The following KCNIP1 variants were observed in gnomAD, a reference collection of about 807,000 sequenced individuals.
KCNIP1 encodes A-type potassium channel modulatory protein KCNIP1.
KCNIP1 carries 18 observed loss-of-function variants against 33.0 expected under a neutral mutation model. That is an observed-to-expected ratio of 0.55 (90% CI 0.38 to 0.81). The LOEUF is 0.81. Ranked by LOEUF, KCNIP1 falls within the 30% of genes least tolerant of loss-of-function variation. KCNIP1 has a pLI of 0.00. For synonymous variants in KCNIP1, 93 were observed against 98.3 expected (o/e 0.95, Z 0.32); for missense variants, 238 against 271.6 (o/e 0.88, Z 0.87).
At chr5:170,707,135 C>T (rs986974546) in intron 1 of KCNIP1, among the ~76,000 whole-genome samples, 1 of 145,634 alleles carries the variant, frequency 6.9e-6, no homozygotes, top group African/African-American at 2.6e-5. Context: ...GCAGAGACTG[C>T]TGGAACTACC....
chr5:170,388,274 C>CTTAGGAGTAAGGT (rs1764567048), intron 1 of KCNIP1, among the ~76,000 whole-genome samples: 1 of 152,182 alleles, frequency 6.6e-6, no homozygotes, highest in Non-Finnish European at 1.5e-5. Flanking sequence ...CATGATAAAT[C>CTTAGGAGTAAGGT]CTCCTAAGAC....
At chr5:170,457,826 T>C (rs1162476552) in intron 1 of KCNIP1, among the ~76,000 whole-genome samples, 1 of 152,084 alleles carries the variant, frequency 6.6e-6, no homozygotes, top group Non-Finnish European at 1.5e-5. Context: ...TCACCAGCAA[T>C]GGATGCAAAC....
At chr5:170,452,471 T>C (rs1015780038) in intron 1 of KCNIP1, among the ~76,000 whole-genome samples, 1 of 152,130 alleles carries the variant, frequency 6.6e-6, no homozygotes, top group Non-Finnish European at 1.5e-5. Context: ...GCCTCATAAA[T>C]GTCAACAAAA....
chr5:170,439,151 G>A (rs533652808), intron 1 of KCNIP1, among the ~76,000 whole-genome samples: 1 of 152,254 alleles, frequency 6.6e-6, no homozygotes, highest in African/African-American at 2.4e-5. Context: ...CTGAACAGCT[G>A]GGAATAAGGG....
intron 1 of KCNIP1, among the ~76,000 whole-genome samples, chr5:170,702,410 C>T (rs1763127789): frequency 6.6e-6 from 1 of 152,166 alleles, no homozygotes; most frequent in Non-Finnish European, 1.5e-5. Context: ...CGCTCTGTGA[C>T]TTATACAACT....
chr5:170,466,589 GA>G, intron 1 of KCNIP1, among the ~76,000 whole-genome samples: 1 of 152,186 alleles, frequency 6.6e-6, no homozygotes, highest in Non-Finnish European at 1.5e-5. Context: ...ACCATAGCCT[GA>G]GTGGCTTATA....
intron 1 of KCNIP1, among the ~76,000 whole-genome samples, chr5:170,575,320 C>G (rs1435330009): frequency 6.6e-6 from 1 of 152,152 alleles, no homozygotes; most frequent in Non-Finnish European, 1.5e-5. Flanking sequence ...TCAACACTTA[C>G]TGAAAATGTC....
At chr5:170,558,227 T>C (rs1756907409) in intron 1 of KCNIP1, among the ~76,000 whole-genome samples, 1 of 152,184 alleles carries the variant, frequency 6.6e-6, no homozygotes, top group African/African-American at 2.4e-5. Context: ...AAACTGCTTT[T>C]GCCATCTAAG....
Position 170,355,468 on chromosome 5 carries a change from C to T in KCNIP1, c.88+1504C>T, listed in dbSNP as rs76951398. Reference sequence around the variant, plus strand: ...GTGGGGCAGCAACCCATTGCAGCCTCTCATGGAGGGCTTGTCCCCACCTGC... The same window carrying T: ...GTGGGGCAGCAACCCATTGCAGCCTTTCATGGAGGGCTTGTCCCCACCTGC... On this transcript the variant is annotated intron_variant, in intron 1 of 7. Transcript: ENST00000377360. Among the ~76,000 whole-genome samples, 1,198 of 152,296 alleles carry T rather than the reference C, an allele frequency of 7.9e-3. 19 individuals carry two copies. Among genetic ancestry groups the T allele is most frequent in the African/African-American group, 0.027 (1,128 of 41,542 alleles).
At chr5:170,535,159 A>C (rs1215703749) in intron 1 of KCNIP1, among the ~76,000 whole-genome samples, 4 of 152,028 alleles carry the variant, frequency 2.6e-5, no homozygotes, top group Non-Finnish European at 5.9e-5. Flanking sequence ...CTCTATCTCC[A>C]AGTGTGCCTC....
intron 1 of KCNIP1, among the ~76,000 whole-genome samples, chr5:170,667,748 G>T (rs977503951): frequency 1.3e-5 from 2 of 152,248 alleles, no homozygotes; most frequent in Admixed American, 6.5e-5. Context: ...CCATAAGGTT[G>T]CTGGGGATGC....
chr5:170,402,646 C>T (rs1416309809), intron 1 of KCNIP1, among the ~76,000 whole-genome samples: 3 of 152,174 alleles, frequency 2.0e-5, no homozygotes, highest in Non-Finnish European at 4.4e-5. Flanking sequence ...ACATACGTTA[C>T]TGATCCTTAC....
intron 1 of KCNIP1, among the ~76,000 whole-genome samples, chr5:170,692,348 G>T (rs184610336): frequency 6.6e-6 from 1 of 152,136 alleles, no homozygotes; most frequent in Non-Finnish European, 1.5e-5. Flanking sequence ...CAGGCAAAGC[G>T]GGGAGTTTTG....
chr5:170,390,794 G>C (rs58182502), intron 1 of KCNIP1, among the ~76,000 whole-genome samples: 1 of 151,746 alleles, frequency 6.6e-6, no homozygotes, highest in Non-Finnish European at 1.5e-5. Context: ...AAATCACCTC[G>C]ATCATACAGT....
chr5:170,519,544 A>G (rs1755276008), intron 1 of KCNIP1, among the ~76,000 whole-genome samples: 1 of 152,118 alleles, frequency 6.6e-6, no homozygotes, highest in African/African-American at 2.4e-5. Context: ...TATTGACCAC[A>G]TTGGCTCTTT....
Position 170,454,185 on chromosome 5 carries a change from G to A in KCNIP1, c.88+100221G>A, listed in dbSNP as rs140978380. 3.5e-4 allele frequency among the ~76,000 whole-genome samples: 53 copies of A among 152,306 alleles called. No individual in the cohort carries two copies. The East Asian group carries it at 7.7e-3, about 22-fold the overall frequency. Reference sequence around the variant, plus strand: ...TCATGCTTTGCAAAAAGAGGAAAACGTCCTGCAGTTTTAGAAGGTCTTTTC... The same window carrying A: ...TCATGCTTTGCAAAAAGAGGAAAACATCCTGCAGTTTTAGAAGGTCTTTTC... On this transcript the variant is annotated intron_variant, in intron 1 of 7. Transcript: ENST00000377360.
intron 1 of KCNIP1, among the ~76,000 whole-genome samples, chr5:170,380,419 A>G: frequency 6.6e-6 from 1 of 152,218 alleles, no homozygotes; most frequent in South Asian, 2.1e-4. Context: ...ACTGAGACCC[A>G]AATGGCAGGT....
intron 1 of KCNIP1, among the ~76,000 whole-genome samples, chr5:170,480,582 T>G (rs191132552): frequency 2.0e-5 from 3 of 151,596 alleles, no homozygotes; most frequent in Non-Finnish European, 4.4e-5. Context: ...GTTCAAGAGA[T>G]TCTCATGCCA....
intron 1 of KCNIP1, among the ~76,000 whole-genome samples, chr5:170,448,643 C>T (rs1038754303): frequency 1.3e-5 from 2 of 152,222 alleles, no homozygotes; most frequent in African/African-American, 4.8e-5. Context: ...AGATAAAAAG[C>T]CACAAGTGAA....
Sources: allele counts gnomAD v4.1 joint callset (sites outside exome capture counted in the v4.1 genomes callset), GRCh38; gene constraint gnomAD v4.1.1; transcripts MANE v1.5; gene names NCBI Gene and HGNC (gene_info 2026-07-23, HGNC 2026-07-21).